NEMF: variants seen among roughly 807,000 people sequenced by gnomAD.
NEMF encodes ribosome quality control complex subunit NEMF.
In NEMF, 89 loss-of-function variants were observed where a neutral mutation model predicts 162.2. The ratio of observed to expected loss-of-function variants is 0.55; its 90% CI spans 0.46 to 0.65. NEMF has a LOEUF of 0.65. Among genes scored for constraint, NEMF ranks in the 30% least tolerant of loss-of-function variants. The probability of loss-of-function intolerance (pLI) is 0.00; values close to 1 mark genes in which losing one functional copy is unlikely to be tolerated. For missense variants in NEMF, 1,133 were observed against 1,261.9 expected, an observed-to-expected ratio of 0.90 and a Z score of 1.55; for synonymous variants, 421 against 404.5, an observed-to-expected ratio of 1.04 and a Z score of -0.49.
At chr14:49,807,225 C>G (rs1263836936) in intron 18 of NEMF, among the ~76,000 whole-genome samples, 1 of 152,168 alleles carries the variant, frequency 6.6e-6, no homozygotes, top group African/African-American at 2.4e-5. Context: ...TACTTCTGTT[C>G]TTTGCAAGTC....
chr14:49,832,066 A>G lies in NEMF; in HGVS notation c.867T>C (p.Phe289=), dbSNP rs1566694716. Residue 289 remains phenylalanine, a synonymous_variant, in exon 10 of 33, where the codon TTT becomes TTC. Transcript: ENST00000298310. Reference sequence around the variant, plus strand: ...GAAAACCCACCTTGTCAAATGATTCAAATTCTATATATGGACATTGTGAAT... The same window carrying G: ...GAAAACCCACCTTGTCAAATGATTCGAATTCTATATATGGACATTGTGAAT... ...SQHSQCPYIE[F]ESFDKAVDEF... is the part of the protein sequence containing the mutation. 6.2e-7 allele frequency: 1 copy of G among 1,602,100 alleles called. No individual in the cohort carries two copies.
intron 7 of NEMF, chr14:49,833,941 TCA>T: frequency 3.4e-6 from 1 of 298,276 alleles, no homozygotes; most frequent in African/African-American, 2.2e-5. Flanking sequence ...CATATAAACA[TCA>T]GAGTCATTTT....
intron 16 of NEMF, chr14:49,818,566 G>A (rs1891837057): frequency 6.6e-6 from 1 of 152,204 alleles, no homozygotes; most frequent in South Asian, 2.1e-4. Context: ...TCAAGAAGCA[G>A]TTAGTTCCAT....
At chr14:49,849,729 A>G (rs550973661) in intron 3 of NEMF, 2 of 152,184 alleles carry the variant, frequency 1.3e-5, no homozygotes, top group Non-Finnish European at 2.9e-5. Flanking sequence ...TTTGTTCTTC[A>G]CAGTCCACTG....
chr14:49,815,143 A>G (rs1423428403), intron 16 of NEMF, among the ~76,000 whole-genome samples: 1 of 152,228 alleles, frequency 6.6e-6, no homozygotes, highest in East Asian at 1.9e-4. Context: ...CATAAAGCAA[A>G]AGTATAAAAT....
intron 4 of NEMF, among the ~76,000 whole-genome samples, chr14:49,841,196 CAAAAAAAAA>C (rs34039009): frequency 5.3e-5 from 3 of 56,800 alleles, no homozygotes; most frequent in Admixed American, 2.4e-4. Flanking sequence ...AACTCTGTCT[CAAAAAAAAA>C]AAAAAAAAAA....
chr14:49,849,870 ATAAAT>A (rs942175043), intron 3 of NEMF, among the ~76,000 whole-genome samples: 1 of 152,220 alleles, frequency 6.6e-6, no homozygotes, highest in African/African-American at 2.4e-5. Flanking sequence ...TTACTATTAA[ATAAAT>A]TAAACTTTAA....
intron 4 of NEMF, among the ~76,000 whole-genome samples, chr14:49,844,383 C>T (rs919538569): frequency 1.3e-5 from 2 of 152,182 alleles, no homozygotes; most frequent in African/African-American, 2.4e-5. Flanking sequence ...AATGCTCACT[C>T]GCATACTGCT....
At chr14:49,786,948 T>C (rs1271487408) in intron 28 of NEMF, 198 bp from the exon 29 acceptor site, 3 of 526,912 alleles carry the variant, frequency 5.7e-6, no homozygotes, top group African/African-American at 1.9e-5. Context: ...TCTGTTTTAT[T>C]ACTTAAGAAA....
At position 49,782,457 on chromosome 14, in the gene NEMF, T is replaced by A. The variant is rs546261226; in HGVS notation, c.*2179A>T. The A allele has an allele frequency of 6.2e-7, 1 of 1,609,864 alleles. No individual in the cohort carries two copies. The highest frequency in any genetic ancestry group is 1.1e-5 in the South Asian group (1 of 90,834). On this transcript the variant is annotated 3_prime_UTR_variant, in exon 33 of 33. Transcript: ENST00000298310. The stretch of plus-strand genomic sequence containing the variant: ...ACAACTTGCTTGTCCATCACAGAGC[T>A]GTAAGTATACTACCTTCACATTATT...
chr14:49,837,517 A>G (rs1327283230), intron 6 of NEMF, among the ~76,000 whole-genome samples: 1 of 152,138 alleles, frequency 6.6e-6, no homozygotes, highest in East Asian at 1.9e-4. Flanking sequence ...TTAAAAAAGA[A>G]AAGAAATTTG....
At chr14:49,826,266 C>T (rs1449452356) in intron 15 of NEMF, among the ~76,000 whole-genome samples, 1 of 152,024 alleles carries the variant, frequency 6.6e-6, no homozygotes, top group Non-Finnish European at 1.5e-5. Flanking sequence ...TGGTTCTAGG[C>T]TAGATGCCAT....
At chr14:49,843,723 T>C (rs1044105082) in intron 4 of NEMF, among the ~76,000 whole-genome samples, 4 of 152,190 alleles carry the variant, frequency 2.6e-5, no homozygotes, top group African/African-American at 7.2e-5. Context: ...AATACTGTAG[T>C]CAACTGTAAT....
intron 3 of NEMF, among the ~76,000 whole-genome samples, chr14:49,846,569 G>T (rs1426020851): frequency 6.6e-6 from 1 of 152,158 alleles, no homozygotes; most frequent in Admixed American, 6.5e-5. Flanking sequence ...TGGCTCAGGT[G>T]ATCCTCCTGC....
chr14:49,843,330 C>T (rs953728378), intron 4 of NEMF, among the ~76,000 whole-genome samples: 8 of 151,812 alleles, frequency 5.3e-5, no homozygotes, highest in African/African-American at 1.4e-4. Flanking sequence ...TCTGTCTCTA[C>T]AAAAAATAAA....
At chr14:49,847,423 C>T (rs1170190526) in intron 3 of NEMF, among the ~76,000 whole-genome samples, 9 of 151,876 alleles carry the variant, frequency 5.9e-5, no homozygotes, top group East Asian at 2.0e-4. Context: ...AGGCTGGTCT[C>T]GAACTCCTGA....
rs1285814038 is a variant in NEMF at position 49,784,558 on chromosome 14, T to C, written c.*78A>G. 1.7e-5 allele frequency: 16 copies of C among 948,398 alleles called. No individual in the cohort carries two copies. In the East Asian group the frequency reaches 2.7e-4, roughly 16 times the overall value. 58.7% of individuals were successfully genotyped at this position (948,398 alleles called of 1,614,324 possible). On this transcript the variant is annotated 3_prime_UTR_variant, in exon 33 of 33. Transcript: ENST00000298310. ...CATTTTTATAATGCGGAAATCCTGATACATGGTGCTTTCATCTTTGAACTT... is the reference window on the plus strand; with the variant it reads ...CATTTTTATAATGCGGAAATCCTGACACATGGTGCTTTCATCTTTGAACTT...
intron 16 of NEMF, among the ~76,000 whole-genome samples, chr14:49,822,934 AT>A (rs10709782): frequency 0.92 from 106,581 of 115,682 alleles, 49,237 homozygotes; most frequent in East Asian, 0.99. Context: ...CCCCTTAGAG[AT>A]TTTTTTTTTT....
intron 5 of NEMF, chr14:49,839,380 C>G (rs1893080778): frequency 6.6e-6 from 1 of 152,088 alleles, no homozygotes; most frequent in Non-Finnish European, 1.5e-5. Context: ...AGTGCCTGAT[C>G]AACTTTATTT....
Sources: gnomAD v4.1 joint callset for allele counts (sites outside exome capture counted in the v4.1 genomes callset) on GRCh38, gnomAD v4.1.1 for gene constraint, MANE v1.5 for transcripts, NCBI Gene and HGNC (gene_info 2026-07-23, HGNC 2026-07-21) for gene names.